Variants in ZMIZ1 observed in about 807,000 individuals in gnomAD.
ZMIZ1 encodes the protein zinc finger MIZ domain-containing protein 1.
Under a neutral mutation model 113.9 loss-of-function variants are expected in ZMIZ1, and 17 were observed. The observed-to-expected ratio is 0.15, with a 90% confidence interval of 0.10 to 0.22. The LOEUF (loss-of-function observed/expected upper bound fraction) is 0.22. ZMIZ1 is among the 10% of genes least tolerant of loss of function. The pLI, the probability that ZMIZ1 is intolerant of heterozygous loss-of-function variation, is 1.00. For missense variants in ZMIZ1, 1,059 were observed against 1,477.8 expected (o/e 0.72, Z 4.65); for synonymous variants, 607 against 603.1 (o/e 1.01, Z -0.09).
intron 7 of ZMIZ1, among the ~76,000 whole-genome samples, chr10:79,225,252 A>G (rs1849155701): frequency 6.6e-6 from 1 of 152,200 alleles, no homozygotes; most frequent in Admixed American, 6.5e-5. Context: ...CGCTTGTATT[A>G]AGATTGAGTT....
Position 79,201,431 on chromosome 10 carries a change from C to T in ZMIZ1, c.-49-153C>T, listed in dbSNP as rs576759570. On this transcript the variant is annotated intron_variant, in intron 4 of 24. Transcript: ENST00000334512. ...AAAGCACCCAGAAGCATTTCCTGCC[C>T]TCAGCCCAGTGGGGTACCCCAGGTG... Among the ~76,000 whole-genome samples, 149 of 152,386 alleles carry T rather than the reference C, an allele frequency of 9.8e-4. 1 individual carries two copies. Among genetic ancestry groups the T allele is most frequent in the Non-Finnish European group, 1.8e-3 (124 of 68,038 alleles).
At position 79,305,539 on chromosome 10, in the gene ZMIZ1, C is replaced by T. The variant is rs377519817; in HGVS notation, c.2361C>T (p.Thr787=). The T allele has an allele frequency of 1.9e-5, 30 of 1,613,990 alleles. No homozygotes were observed. Among genetic ancestry groups the T allele is most frequent in the Non-Finnish European group, 2.5e-5 (29 of 1,179,986 alleles). Reference sequence around the variant, plus strand: ...TCCCCATCTCCTTTTCCAGTAAAACCGCTCTGCTGGAGGGCCTGGAGGTGG... The same window carrying T: ...TCCCCATCTCCTTTTCCAGTAAAACTGCTCTGCTGGAGGGCCTGGAGGTGG... ...GTWRCPVCNK[T]ALLEGLEVDQ... Residue 787 remains threonine, a synonymous_variant, in exon 21 of 25, where the codon ACC becomes ACT. Coordinates refer to ENST00000334512, the MANE Select transcript of ZMIZ1 (RefSeq NM_020338.4).
At chr10:79,136,646 C>T (rs943981817) in intron 2 of ZMIZ1, among the ~76,000 whole-genome samples, 1 of 152,204 alleles carries the variant, frequency 6.6e-6, no homozygotes, top group Non-Finnish European at 1.5e-5. Flanking sequence ...GTTGTGTGAC[C>T]TTGGACTGGT....
intron 3 of ZMIZ1, among the ~76,000 whole-genome samples, chr10:79,145,309 C>T (rs1845433660): frequency 6.6e-6 from 1 of 151,856 alleles, no homozygotes; most frequent in African/African-American, 2.4e-5. Context: ...CCTCCTCCTC[C>T]ACAGTAGAGC....
At chr10:79,120,292 C>T (rs1315657354) in intron 2 of ZMIZ1, among the ~76,000 whole-genome samples, 1 of 152,212 alleles carries the variant, frequency 6.6e-6, no homozygotes, top group East Asian at 1.9e-4. Flanking sequence ...CATACACATG[C>T]ACAAACTCGT....
At chr10:79,275,495 G>A (rs994996191) in intron 7 of ZMIZ1, among the ~76,000 whole-genome samples, 1 of 152,250 alleles carries the variant, frequency 6.6e-6, no homozygotes, top group Non-Finnish European at 1.5e-5. Flanking sequence ...ACTTCTCGGG[G>A]CTTTGGGCTG....
At chr10:79,160,865 G>C (rs902343768) in intron 3 of ZMIZ1, among the ~76,000 whole-genome samples, 1 of 152,262 alleles carries the variant, frequency 6.6e-6, no homozygotes, top group African/African-American at 2.4e-5. Context: ...CAGGTTTCCT[G>C]GTTTTTAGAG....
At chr10:79,141,502 A>T (rs1275904680) in intron 3 of ZMIZ1, among the ~76,000 whole-genome samples, 1 of 151,564 alleles carries the variant, frequency 6.6e-6, no homozygotes, top group Non-Finnish European at 1.5e-5. Context: ...CGACCTCCCC[A>T]GCTGAAGTGA....
chr10:79,298,410 C>T lies in ZMIZ1; in HGVS notation c.1496C>T (p.Pro499Leu). 6.2e-7 allele frequency: 1 copy of T among 1,608,476 alleles called. No homozygotes were observed. Residue 499 changes from proline (P) to leucine (L), a missense_variant, in exon 15 of 25, where the codon CCC (proline) becomes CTC (leucine). Physicochemically the swap from Pro to Leu is moderately conservative, Grantham distance 98. This residue lies in a region of ZMIZ1 where 239 missense variants were observed against 247.5 expected (regional missense o/e 0.97). Transcript: ENST00000334512. ...GTGTCTTTTCTTTCCCTCCAGCCTC[C>T]CAGGCCGGTTCCTGTGGCAAATTAC... is the stretch of plus-strand genomic sequence containing the variant. ...NYSQGNVNRP[P>L]RPVPVANYPH...
intron 2 of ZMIZ1, among the ~76,000 whole-genome samples, chr10:79,135,130 G>C (rs1844945632): frequency 6.6e-6 from 1 of 152,218 alleles, no homozygotes; most frequent in African/African-American, 2.4e-5. Context: ...ACATTTTTAA[G>C]TACATAAAGA....
chr10:79,270,523 A>G (rs1471986787), intron 7 of ZMIZ1, among the ~76,000 whole-genome samples: 3 of 152,208 alleles, frequency 2.0e-5, no homozygotes, highest in Non-Finnish European at 4.4e-5. Context: ...CTAAGAAGGA[A>G]GAATGCGCCG....
At chr10:79,115,273 G>A (rs553747466) in intron 1 of ZMIZ1, among the ~76,000 whole-genome samples, 2 of 152,208 alleles carry the variant, frequency 1.3e-5, no homozygotes, top group South Asian at 4.1e-4. Context: ...AGCTGCCCTT[G>A]TGGGCTTGGA....
intron 1 of ZMIZ1, among the ~76,000 whole-genome samples, chr10:79,078,903 GAAACGCCCGCGTAAACAGTC>G (rs1842568925): frequency 6.6e-6 from 1 of 151,838 alleles, no homozygotes; most frequent in Admixed American, 6.6e-5. Context: ...ACCATTTTGG[GAAACGCCCGCGTAAACAGTC>G]CCTTTCAGCT....
intron 1 of ZMIZ1, among the ~76,000 whole-genome samples, chr10:79,086,952 C>T (rs1842833753): frequency 6.6e-6 from 1 of 152,128 alleles, no homozygotes; most frequent in African/African-American, 2.4e-5. Context: ...TTCTGCCTCT[C>T]CTTTTATTTG....
At chr10:79,238,018 G>A (rs765123041) in intron 7 of ZMIZ1, among the ~76,000 whole-genome samples, 2 of 152,292 alleles carry the variant, frequency 1.3e-5, no homozygotes, top group South Asian at 4.1e-4. Context: ...TCCTGTCTCC[G>A]CCCTAGCCCT....
chr10:79,286,723 CT>C (rs1156866337), intron 8 of ZMIZ1, among the ~76,000 whole-genome samples: 1 of 152,258 alleles, frequency 6.6e-6, no homozygotes, highest in South Asian at 2.1e-4. Flanking sequence ...CAGGAAGGAG[CT>C]GGTTTCCGCC....
At chr10:79,234,464 A>C (rs923142867) in intron 7 of ZMIZ1, among the ~76,000 whole-genome samples, 1 of 152,190 alleles carries the variant, frequency 6.6e-6, no homozygotes, top group Non-Finnish European at 1.5e-5. Flanking sequence ...AAGTGGTTTT[A>C]TGGAATTTTT....
At chr10:79,216,333 T>A in intron 7 of ZMIZ1, 59 bp downstream of exon 7, 1 of 1,468,084 alleles carries the variant, frequency 6.8e-7, no homozygotes, top group East Asian at 2.6e-5. Context: ...GAACTGACTA[T>A]AAACCATGCC....
intron 4 of ZMIZ1, among the ~76,000 whole-genome samples, chr10:79,198,084 C>G (rs1360804514): frequency 6.6e-6 from 1 of 151,962 alleles, no homozygotes; most frequent in Non-Finnish European, 1.5e-5. Context: ...ATGGTGAAAC[C>G]CCATCTCTAC....
Sources: gnomAD v4.1 joint callset for allele counts (sites outside exome capture counted in the v4.1 genomes callset) on GRCh38, gnomAD v4.1.1 for gene constraint, gnomAD v4.1.1 regional missense constraint, MANE v1.5 for transcripts, NCBI Gene and HGNC (gene_info 2026-07-23, HGNC 2026-07-21) for gene names.